ZFHX3: variants seen among roughly 807,000 people sequenced by gnomAD.
ZFHX3 encodes zinc finger homeobox 3.
ZFHX3 carries 42 observed loss-of-function variants against 279.1 expected under a neutral mutation model. The observed-to-expected ratio is 0.15, with a 90% CI of 0.12 to 0.19. The LOEUF (loss-of-function observed/expected upper bound fraction) is 0.19. ZFHX3 is among the 10% of genes least tolerant of loss of function. The pLI, the probability that ZFHX3 is intolerant of heterozygous loss-of-function variation, is 1.00. For missense variants in ZFHX3, 4,981 were observed against 4,754.0 expected (o/e 1.05, Z -1.40); for synonymous variants, 2,293 against 1,957.8 (o/e 1.17, Z -4.52).
At chr16:73,850,012 C>T (rs772424948) in intron 1 of ZFHX3, among the ~76,000 whole-genome samples, 5 of 152,126 alleles carry the variant, frequency 3.3e-5, no homozygotes, top group Non-Finnish European at 7.3e-5. Flanking sequence ...GGATTACAGG[C>T]GTGAGCCACC....
chr16:73,353,154 C>T (rs1192831768), intron 3 of ZFHX3, among the ~76,000 whole-genome samples: 2 of 152,196 alleles, frequency 1.3e-5, no homozygotes, highest in Non-Finnish European at 2.9e-5. Flanking sequence ...TCATGATTGA[C>T]CTGCTGGGAG....
intron 2 of ZFHX3, among the ~76,000 whole-genome samples, chr16:73,644,575 T>G (rs1340484595): frequency 6.6e-6 from 1 of 152,112 alleles, no homozygotes; most frequent in Non-Finnish European, 1.5e-5. Flanking sequence ...GTAGGAAAAT[T>G]GCTTGAACCC....
chr16:72,798,652 A>C lies in ZFHX3; in HGVS notation c.4030T>G (p.Leu1344Val), dbSNP rs766823058. The C allele has an allele frequency of 1.2e-5, 20 of 1,613,420 alleles. No homozygotes were observed. Among genetic ancestry groups the C allele is most frequent in the Non-Finnish European group, 1.7e-5 (20 of 1,179,778 alleles). Residue 1344 changes from leucine to valine, a missense_variant, in exon 9 of 10, where the codon TTG (leucine) becomes GTG (valine). By Grantham distance (32) the Leu-to-Val change is conservative. Around this residue, in one of 7 missense-constraint regions of ZFHX3, gnomAD observed 1,751 missense variants for 1,770.0 expected, o/e 0.99. Coordinates refer to ENST00000268489, the MANE Select transcript of ZFHX3 (RefSeq NM_006885.4). The stretch of plus-strand genomic sequence containing the variant: ...CCTGGGTCAGCAGGGGATGGTTTCA[A>C]ATCTCCGCTTTGCTCTGTGCTTGCG... ...PSASTEQSGD[L>V]KPSPADPGSV...
At chr16:72,868,146 A>G (rs1239102394) in intron 4 of ZFHX3, among the ~76,000 whole-genome samples, 1 of 152,260 alleles carries the variant, frequency 6.6e-6, no homozygotes, top group Non-Finnish European at 1.5e-5. Flanking sequence ...ATACATAAGT[A>G]ATACATAAAT....
rs1361291826 is a variant in ZFHX3 at position 73,036,609 on chromosome 16, TAGAGGA to T, written c.-50+11137_-50+11142del. Among the ~76,000 whole-genome samples the T allele has an allele frequency of 2.8e-5, 4 of 143,972 alleles. No homozygotes were observed. The Middle Eastern group carries it at 0.01, about 375-fold the overall frequency. 94.5% of individuals were successfully genotyped at this position (143,972 alleles called of 152,430 possible). ...GGAGGAGGGAGGTGGAGGTAGAGGG[TAGAGGA>T]AGAGGAGGGGAGAGGGGCCGGCAGG... On this transcript the variant is annotated intron_variant, in intron 1 of 9. Coordinates refer to ENST00000268489, the MANE Select transcript of ZFHX3 (RefSeq NM_006885.4).
chr16:72,929,425 G>A (rs2144283985), intron 3 of ZFHX3, among the ~76,000 whole-genome samples: 1 of 152,286 alleles, frequency 6.6e-6, no homozygotes, highest in Middle Eastern at 3.4e-3. Context: ...CTCTGGGGGT[G>A]AAGTGTTTGA....
At chr16:73,110,191 G>A (rs761626023) in intron 7 of ZFHX3, among the ~76,000 whole-genome samples, 20 of 150,452 alleles carry the variant, frequency 1.3e-4, no homozygotes, top group African/African-American at 4.4e-4. Flanking sequence ...GTGACAGAGC[G>A]AGACTGTCTC....
At chr16:73,025,192 T>C (rs1326390284) in intron 1 of ZFHX3, among the ~76,000 whole-genome samples, 1 of 152,068 alleles carries the variant, frequency 6.6e-6, no homozygotes, top group African/African-American at 2.4e-5. Flanking sequence ...ATGTCAGCTA[T>C]GAAAGTTAAA....
chr16:72,830,367 T>C (rs1008918928), intron 4 of ZFHX3, among the ~76,000 whole-genome samples: 4 of 152,170 alleles, frequency 2.6e-5, no homozygotes, highest in Non-Finnish European at 5.9e-5. Context: ...GTGGGAATTG[T>C]TGGAAGTCAT....
chr16:72,977,021 A>T (rs1224133359), intron 1 of ZFHX3, among the ~76,000 whole-genome samples: 1 of 152,226 alleles, frequency 6.6e-6, no homozygotes, highest in Non-Finnish European at 1.5e-5. Context: ...GATGAAGGGC[A>T]TGCCATCCCA....
chr16:73,730,212 A>G (rs1416985232), intron 1 of ZFHX3, among the ~76,000 whole-genome samples: 1 of 152,202 alleles, frequency 6.6e-6, no homozygotes, highest in Non-Finnish European at 1.5e-5. Flanking sequence ...TGCAAAGGAC[A>G]GAATATGGAA....
rs1464830824 is a variant in ZFHX3 at position 73,173,576 on chromosome 16, T to C, written c.-1103-29745A>G. 2.6e-5 allele frequency among the ~76,000 whole-genome samples: 4 copies of C among 152,146 alleles called. No individual in the cohort carries two copies. In the East Asian group the frequency reaches 7.7e-4, roughly 29 times the overall value. Reference sequence around the variant, plus strand: ...TCTTCCCCGGACAGTTTACTAACAATGCTCTGCTCTCTTGCACTCCAAGGT... The same window carrying C: ...TCTTCCCCGGACAGTTTACTAACAACGCTCTGCTCTCTTGCACTCCAAGGT... On this transcript the variant is annotated intron_variant, in intron 5 of 17. Transcript: ENST00000641206.
chr16:73,840,829 C>A (rs778248488), intron 1 of ZFHX3, among the ~76,000 whole-genome samples: 1 of 152,140 alleles, frequency 6.6e-6, no homozygotes, highest in Non-Finnish European at 1.5e-5. Flanking sequence ...TTCCTCCTCC[C>A]GGTAAAACAT....
chr16:72,850,324 C>T (rs1168487610), intron 4 of ZFHX3, among the ~76,000 whole-genome samples: 4 of 152,266 alleles, frequency 2.6e-5, no homozygotes, highest in African/African-American at 9.6e-5. Context: ...TTCACTCCTA[C>T]GCTTCAGTAC....
intron 5 of ZFHX3, among the ~76,000 whole-genome samples, chr16:73,250,743 C>T (rs1481834901): frequency 6.6e-6 from 1 of 152,054 alleles, no homozygotes; most frequent in Non-Finnish European, 1.5e-5. Flanking sequence ...ACCGCGTTAG[C>T]CAGGATGGTC....
chr16:73,686,691 A>T lies in ZFHX3; in HGVS notation c.-1607-6451T>A, dbSNP rs528348416. Among the ~76,000 whole-genome samples the T allele has an allele frequency of 1.7e-4, 26 of 152,224 alleles. No homozygotes were observed. The East Asian group carries it at 4.9e-3, about 28-fold the overall frequency. On this transcript the variant is annotated intron_variant, in intron 1 of 17. Coordinates refer to the ZFHX3 transcript ENST00000641206. ...AGGGTGGGCTCCAGGGTTTCCCCTC[A>T]ACAGACTGAACCCATTGTACTAACT...
intron 1 of ZFHX3, among the ~76,000 whole-genome samples, chr16:73,812,437 C>G (rs2142338097): frequency 6.6e-6 from 1 of 152,298 alleles, no homozygotes; most frequent in South Asian, 2.1e-4. Context: ...TCTTTCTCCT[C>G]CAGAAAGTCT....
At chr16:73,364,122 G>A (rs889184951) in intron 3 of ZFHX3, among the ~76,000 whole-genome samples, 3 of 151,486 alleles carry the variant, frequency 2.0e-5, no homozygotes, top group South Asian at 2.1e-4. Flanking sequence ...GCAGTGAGCC[G>A]AAATGGTACC....
chr16:73,531,527 C>T (rs1057022485), intron 2 of ZFHX3, among the ~76,000 whole-genome samples: 1 of 151,740 alleles, frequency 6.6e-6, no homozygotes, highest in African/African-American at 2.4e-5. Flanking sequence ...CCAGCCTGGG[C>T]AATGTAGTGA....
Sources: gnomAD v4.1 joint callset for allele counts (sites outside exome capture counted in the v4.1 genomes callset) on GRCh38, gnomAD v4.1.1 for gene constraint, gnomAD v4.1.1 regional missense constraint, MANE v1.5 for transcripts, NCBI Gene and HGNC (gene_info 2026-07-23, HGNC 2026-07-21) for gene names.